Variants in TENM3 observed in about 807,000 individuals in gnomAD.
The protein encoded by TENM3 is teneurin transmembrane protein 3, also known as teneurin-3.
A neutral mutation model predicts 255.1 loss-of-function variants in TENM3; 63 were observed. That is an observed-to-expected ratio of 0.25 (90% CI 0.20 to 0.30). The LOEUF is 0.30. Ranked by LOEUF, TENM3 falls within the 10% of genes least tolerant of loss-of-function variation. TENM3 has a pLI of 1.00. For missense variants in TENM3, 2,929 were observed against 3,461.1 expected (o/e 0.85, Z 3.86); for synonymous variants, 1,306 against 1,322.3 (o/e 0.99, Z 0.27).
intron 1 of TENM3, among the ~76,000 whole-genome samples, chr4:182,264,270 G>A (rs1463866716): frequency 6.6e-6 from 1 of 152,218 alleles, no homozygotes; most frequent in African/African-American, 2.4e-5. Context: ...ACACCTGCAA[G>A]CCCGCTTTTC....
the TENM3 span, among the ~76,000 whole-genome samples, chr4:181,777,944 A>G: frequency 6.6e-6 from 1 of 152,074 alleles, no homozygotes. Context: ...TTGAGACAGG[A>G]GACTTAGCTT....
chr4:181,518,949 C>CT, the TENM3 span, among the ~76,000 whole-genome samples: 1 of 152,082 alleles, frequency 6.6e-6, no homozygotes, highest in Non-Finnish European at 1.5e-5. Context: ...TGTTTAAATA[C>CT]GTTGAATACT....
intron 2 of TENM3, among the ~76,000 whole-genome samples, chr4:182,346,410 T>C (rs1764808896): frequency 6.6e-6 from 1 of 152,144 alleles, no homozygotes; most frequent in South Asian, 2.1e-4. Flanking sequence ...TCTCTGGAGG[T>C]ACTTATGGGC....
chr4:182,427,532 T>C (rs1310785737), intron 3 of TENM3, among the ~76,000 whole-genome samples: 1 of 152,200 alleles, frequency 6.6e-6, no homozygotes, highest in Non-Finnish European at 1.5e-5. Context: ...AAAAATGCTC[T>C]CCTTCCATTT....
the TENM3 span, among the ~76,000 whole-genome samples, chr4:181,731,502 C>T: frequency 1.3e-5 from 2 of 152,010 alleles, no homozygotes; most frequent in African/African-American, 2.4e-5. Flanking sequence ...TAGGCATTTG[C>T]CACCACACCC....
At chr4:181,465,404 C>T in the TENM3 span, among the ~76,000 whole-genome samples, 3 of 152,024 alleles carry the variant, frequency 2.0e-5, no homozygotes, top group African/African-American at 7.2e-5. Flanking sequence ...ACATTTGATG[C>T]CTGGGATTGC....
intron 3 of TENM3, among the ~76,000 whole-genome samples, chr4:182,441,683 A>C (rs1271759575): frequency 6.6e-6 from 1 of 152,048 alleles, no homozygotes; most frequent in African/African-American, 2.4e-5. Flanking sequence ...TTTTTAGTAG[A>C]GATGGGGTTT....
the TENM3 span, among the ~76,000 whole-genome samples, chr4:181,874,898 T>C: frequency 1.3e-5 from 2 of 152,260 alleles, no homozygotes; most frequent in African/African-American, 2.4e-5. Flanking sequence ...GTTCCCTCTA[T>C]GTGCTTCCCT....
chr4:181,684,811 G>A, the TENM3 span, among the ~76,000 whole-genome samples: 1 of 151,824 alleles, frequency 6.6e-6, no homozygotes, highest in Non-Finnish European at 1.5e-5. Flanking sequence ...CTGGAGTGCA[G>A]TGGTGCCATC....
chr4:182,424,224 A>G (rs1181701941), intron 3 of TENM3, among the ~76,000 whole-genome samples: 13 of 152,220 alleles, frequency 8.5e-5, no homozygotes, highest in Admixed American at 8.5e-4. Flanking sequence ...ACACATACAC[A>G]TTAAAATTAG....
chr4:181,807,091 T>A, the TENM3 span, among the ~76,000 whole-genome samples: 2 of 152,172 alleles, frequency 1.3e-5, no homozygotes, highest in African/African-American at 4.8e-5. Flanking sequence ...TACCTGATAT[T>A]TTTTCATTTA....
chr4:182,361,895 G>A (rs1394069585), intron 3 of TENM3, among the ~76,000 whole-genome samples: 1 of 152,114 alleles, frequency 6.6e-6, no homozygotes, highest in Admixed American at 6.5e-5. Flanking sequence ...ATGGGTTTTT[G>A]GTGTGGATGT....
At chr4:181,499,598 G>A in the TENM3 span, among the ~76,000 whole-genome samples, 2 of 152,126 alleles carry the variant, frequency 1.3e-5, no homozygotes, top group East Asian at 3.9e-4. Context: ...ACTAGAAGGG[G>A]AGACTTAAAC....
the TENM3 span, among the ~76,000 whole-genome samples, chr4:181,710,398 T>G: frequency 6.6e-6 from 1 of 152,050 alleles, no homozygotes; most frequent in Non-Finnish European, 1.5e-5. Flanking sequence ...TCTGGCCACA[T>G]GAAGGTATTC....
chr4:181,608,381 G>C, the TENM3 span, among the ~76,000 whole-genome samples: 3 of 152,214 alleles, frequency 2.0e-5, no homozygotes, highest in Non-Finnish European at 2.9e-5. Context: ...TGGTCGTGCA[G>C]TGTATTGGAG....
chr4:182,050,803 G>GAA, the TENM3 span, among the ~76,000 whole-genome samples: 20 of 151,694 alleles, frequency 1.3e-4, no homozygotes, highest in Non-Finnish European at 2.1e-4. Flanking sequence ...GACTCCACCT[G>GAA]AAAAAAACAA....
chr4:181,943,229 T>C, the TENM3 span, among the ~76,000 whole-genome samples: 6 of 152,232 alleles, frequency 3.9e-5, no homozygotes, highest in African/African-American at 1.4e-4. Context: ...TAGATTAATG[T>C]CAAGGTTCTC....
chr4:181,933,597 T>G, the TENM3 span, among the ~76,000 whole-genome samples: 3 of 152,202 alleles, frequency 2.0e-5, no homozygotes, highest in African/African-American at 7.2e-5. Context: ...AATAGGTCTA[T>G]CTAGCATCTT....
chr4:182,789,227 C>T lies in TENM3; in HGVS notation c.5439C>T (p.Ser1813=). The stretch of plus-strand genomic sequence containing the variant: ...GGCACCCGACTCTCTGGCTGCCAAG[C>T]AGCAAGCTGATGGCCGTCAATGTCA... ...TSGHPTLWLP[S]SKLMAVNVTY... is the part of the protein sequence containing the mutation. Residue 1813 remains serine (S), a synonymous_variant, in exon 25 of 28, where the codon AGC becomes AGT. Coordinates refer to ENST00000511685, the MANE Select transcript of TENM3 (RefSeq NM_001080477.4). The surrounding 1 kb of genome is among the most constrained non-coding windows in gnomAD (Gnocchi z 4.4). 1 of 1,613,720 alleles carries T rather than the reference C, an allele frequency of 6.2e-7. No homozygotes were observed. Among genetic ancestry groups the T allele is most frequent in the Non-Finnish European group, 8.5e-7 (1 of 1,179,804 alleles).
Sources: allele counts gnomAD v4.1 joint callset (sites outside exome capture counted in the v4.1 genomes callset), GRCh38; gene constraint gnomAD v4.1.1; non-coding constraint Gnocchi (gnomAD v3.1); transcripts MANE v1.5; gene names NCBI Gene and HGNC (gene_info 2026-07-23, HGNC 2026-07-21).